Variants in FRY observed in about 807,000 individuals in gnomAD.
The protein encoded by FRY is protein furry homolog.
In FRY, 128 loss-of-function variants were observed where a neutral mutation model predicts 348.4. That is an observed-to-expected ratio of 0.37 (90% confidence interval 0.32 to 0.43). The LOEUF (loss-of-function observed/expected upper bound fraction) is 0.43. Ranked by LOEUF, FRY falls within the 20% of genes least tolerant of loss-of-function variation. FRY has a pLI of 1.00. For synonymous variants in FRY, 1,370 were observed against 1,374.7 expected, an observed-to-expected ratio of 1.00 and a Z score of 0.08; for missense variants, 2,736 against 3,695.2, an observed-to-expected ratio of 0.74 and a Z score of 6.73.
chr13:32,074,800 T>G (rs938616393), intron 1 of FRY, among the ~76,000 whole-genome samples: 2 of 152,226 alleles, frequency 1.3e-5, no homozygotes, highest in East Asian at 3.8e-4. Flanking sequence ...TCTGTCAGGA[T>G]CCTTTCATTG....
At chr13:32,158,034 C>A (rs1251835591) in intron 16 of FRY, among the ~76,000 whole-genome samples, 2 of 151,968 alleles carry the variant, frequency 1.3e-5, no homozygotes, top group East Asian at 3.9e-4. Flanking sequence ...GCATAATTTC[C>A]AAAAATATAA....
chr13:32,085,004 C>T (rs1451125219), intron 2 of FRY, among the ~76,000 whole-genome samples: 2 of 152,092 alleles, frequency 1.3e-5, no homozygotes, highest in African/African-American at 4.8e-5. Flanking sequence ...AATATAATAG[C>T]TTGAAAAGAA....
chr13:32,234,208 G>A lies in FRY; in HGVS notation c.5528-366G>A, dbSNP rs528601899. ...AAGGCAGAGCAGGCAGATCACTTGA[G>A]CCCAGGAGTTCAAGACCAGCCTTGG... On this transcript the variant is annotated intron_variant, in intron 41 of 60. Transcript: ENST00000542859. Among the ~76,000 whole-genome samples the A allele has an allele frequency of 7.3e-5, 11 of 150,902 alleles. 1 individual carries two copies. In the South Asian group the frequency reaches 2.3e-3, roughly 32 times the overall value.
chr13:32,204,325 GATGA>G (rs2138335417), intron 31 of FRY, among the ~76,000 whole-genome samples: 1 of 152,294 alleles, frequency 6.6e-6, no homozygotes, highest in African/African-American at 2.4e-5. Context: ...TTACAGATGA[GATGA>G]GAAACTAAGG....
At position 32,237,834 on chromosome 13, in the gene FRY, A is replaced by G; in HGVS notation, c.6266A>G (p.Gln2089Arg). Residue 2089 changes from glutamine (Q) to arginine (R), a missense_variant, in exon 44 of 61, where the codon CAG (glutamine) becomes CGG (arginine). By Grantham distance (43) the Gln-to-Arg change is conservative. Around this residue, in one of 9 missense-constraint regions of FRY, gnomAD observed 789 missense variants for 996.2 expected, o/e 0.79. Transcript: ENST00000542859. This position sits in a 1 kb window ranked among gnomAD's most constrained non-coding sequence, Gnocchi z 6.3. The stretch of plus-strand genomic sequence containing the variant: ...AACCGAGAAAAGCTTGAGAAACTCC[A>G]GGCACAGCTGAAGTGGGCCGACTTC... ...AENREKLEKL[Q>R]AQLKWADFSG... 2 of 1,614,160 alleles carry G rather than the reference A, an allele frequency of 1.2e-6. No homozygotes were observed. Among genetic ancestry groups the G allele is most frequent in the Non-Finnish European group, 1.7e-6 (2 of 1,180,038 alleles).
chr13:32,263,189 T>C (rs958685720), intron 53 of FRY, among the ~76,000 whole-genome samples: 3 of 152,208 alleles, frequency 2.0e-5, no homozygotes, highest in African/African-American at 7.2e-5. Flanking sequence ...AATAATCTAT[T>C]ACCATTAAGA....
intron 3 of FRY, among the ~76,000 whole-genome samples, chr13:32,104,643 G>A (rs1593616877): frequency 6.6e-6 from 1 of 152,276 alleles, no homozygotes; most frequent in African/African-American, 2.4e-5. Context: ...GTGATAGCAA[G>A]ACTTTCAGGC....
chr13:32,275,518 A>T (rs1338123422), intron 56 of FRY, among the ~76,000 whole-genome samples: 1 of 152,236 alleles, frequency 6.6e-6, no homozygotes, highest in East Asian at 1.9e-4. Flanking sequence ...TCATAGAATA[A>T]GGAGAAAAAT....
chr13:32,238,713 G>T (rs1180271958), intron 44 of FRY, among the ~76,000 whole-genome samples: 4 of 152,152 alleles, frequency 2.6e-5, no homozygotes, highest in Non-Finnish European at 5.9e-5. Context: ...GACTCTCAAA[G>T]TCCTTGGATT....
At chr13:32,224,805 C>T in intron 37 of FRY, 128 bp from the exon 38 acceptor site, 1 of 707,990 alleles carries the variant, frequency 1.4e-6, no homozygotes, top group Admixed American at 2.0e-5. Flanking sequence ...AACTCTATTT[C>T]CCCCGAATAA....
chr13:32,118,411 A>G (rs1167009622), intron 4 of FRY, among the ~76,000 whole-genome samples: 1 of 152,126 alleles, frequency 6.6e-6, no homozygotes, highest in East Asian at 1.9e-4. Flanking sequence ...AAGTCCTAAT[A>G]CTGTTTCAAA....
At chr13:32,054,882 CATAA>C (rs898282255) in intron 1 of FRY, among the ~76,000 whole-genome samples, 6 of 152,024 alleles carry the variant, frequency 3.9e-5, no homozygotes, top group East Asian at 1.9e-4. Context: ...CTCAAAAATA[CATAA>C]ATAAATAAAT....
chr13:32,112,529 G>A (rs1337966452), intron 3 of FRY, among the ~76,000 whole-genome samples: 1 of 152,160 alleles, frequency 6.6e-6, no homozygotes, highest in African/African-American at 2.4e-5. Flanking sequence ...CACGTGAGTG[G>A]TCAGTCTCAC....
Position 32,239,403 on chromosome 13 carries a change from C to CT in FRY, c.6516+55dup. The CT allele has an allele frequency of 9.3e-7, 1 of 1,076,388 alleles. No homozygotes were observed. Among genetic ancestry groups the CT allele is most frequent in the Non-Finnish European group, 1.5e-6 (1 of 688,740 alleles). 66.7% of individuals were successfully genotyped at this position (1,076,388 alleles called of 1,614,324 possible). A position where few individuals can be genotyped will look rare whatever the true frequency, so the allele number is the denominator to read the frequency against. On this transcript the variant is annotated intron_variant, in intron 45 of 60. Transcript: ENST00000542859. This position sits in a 1 kb window ranked among gnomAD's most constrained non-coding sequence, Gnocchi z 4.3. The stretch of plus-strand genomic sequence containing the variant: ...GATCCATAGAGGCCTTCAGGACGCC[C>CT]TAGTGTCAGGCAAATTACAAGGCCC...
Position 32,249,558 on chromosome 13 carries a change from G to A in FRY, c.7041G>A (p.Leu2347=), listed in dbSNP as rs1179987865. 2.5e-6 allele frequency: 4 copies of A among 1,614,038 alleles called. No individual in the cohort carries two copies. The highest frequency in any genetic ancestry group is 1.7e-5 in the Admixed American group (1 of 60,000). The change falls in exon 49 of 61, where the codon CTG becomes CTA. Residue 2347 remains leucine (L), a synonymous_variant. Coordinates refer to ENST00000542859, the MANE Select transcript of FRY (RefSeq NM_023037.3). ...TPIIGRRYDE[L]QNSSGRDGKP... is the part of the protein sequence containing the mutation. Reference sequence around the variant, plus strand: ...TCATCGGGAGGCGGTATGATGAGCTGCAGAATTCTTCTGGGCGTGATGGGA... The same window carrying A: ...TCATCGGGAGGCGGTATGATGAGCTACAGAATTCTTCTGGGCGTGATGGGA...
chr13:32,226,078 C>A (rs1885564348), intron 39 of FRY, 104 bp downstream of exon 39: 1 of 889,716 alleles, frequency 1.1e-6, no homozygotes, highest in Non-Finnish European at 1.9e-6. Flanking sequence ...ATGCTATGAC[C>A]TCCAACTTTC....
chr13:32,053,980 ACT>A (rs1212061310), intron 1 of FRY, among the ~76,000 whole-genome samples: 1 of 127,168 alleles, frequency 7.9e-6, no homozygotes, highest in East Asian at 2.1e-4. Flanking sequence ...ACAGAGCAAG[ACT>A]CTCTCTCAAA....
intron 1 of FRY, among the ~76,000 whole-genome samples, chr13:32,039,260 C>G (rs1243595253): frequency 6.6e-6 from 1 of 152,118 alleles, no homozygotes; most frequent in Non-Finnish European, 1.5e-5. Context: ...AACACTTGAC[C>G]AGATTTCAGA....
intron 47 of FRY, among the ~76,000 whole-genome samples, chr13:32,246,343 G>A (rs1028466418): frequency 6.6e-5 from 10 of 152,120 alleles, no homozygotes; most frequent in South Asian, 4.2e-4. Context: ...TTATGGGAGC[G>A]GCACACAGTC....
Sources: allele counts gnomAD v4.1 joint callset (sites outside exome capture counted in the v4.1 genomes callset), GRCh38; gene constraint gnomAD v4.1.1; regional missense constraint gnomAD v4.1.1; non-coding constraint Gnocchi (gnomAD v3.1); transcripts MANE v1.5; gene names NCBI Gene and HGNC (gene_info 2026-07-23, HGNC 2026-07-21).